The following SLC5A8 variants were observed in gnomAD, a reference collection of about 807,000 sequenced individuals.
SLC5A8 encodes solute carrier family 5 member 8, also known as sodium-coupled monocarboxylate transporter 1.
SLC5A8 carries 55 observed loss-of-function variants against 71.9 expected under a neutral mutation model. That is an observed-to-expected ratio of 0.77 (90% confidence interval 0.62 to 0.96). SLC5A8 has a LOEUF of 0.96. Among genes scored for constraint, SLC5A8 ranks in the 40% least tolerant of loss-of-function variants. The pLI is 0.00. For synonymous variants in SLC5A8, 307 were observed against 276.1 expected (o/e 1.11, Z -1.11); for missense variants, 701 against 745.3 (o/e 0.94, Z 0.69).
At chr12:101,182,230 C>T (rs1868399942) in intron 9 of SLC5A8, among the ~76,000 whole-genome samples, 2 of 152,184 alleles carry the variant, frequency 1.3e-5, no homozygotes, top group African/African-American at 4.8e-5. Flanking sequence ...GCAGACAGAA[C>T]AGACAACTAA....
chr12:101,177,300 T>C (rs1006793749), intron 10 of SLC5A8, among the ~76,000 whole-genome samples: 1 of 152,050 alleles, frequency 6.6e-6, no homozygotes, highest in South Asian at 2.1e-4. Context: ...GCCCAGATGC[T>C]TTCCCTAGAG....
At chr12:101,193,867 A>T (rs1593379774) in intron 4 of SLC5A8, 88 bp from the exon 5 acceptor site, 2 of 1,342,336 alleles carry the variant, frequency 1.5e-6, no homozygotes, top group East Asian at 4.9e-5. Flanking sequence ...GAGAAAAATG[A>T]TATAAACATG....
intron 10 of SLC5A8, among the ~76,000 whole-genome samples, chr12:101,178,564 G>A (rs926150487): frequency 6.6e-6 from 1 of 152,160 alleles, no homozygotes; most frequent in Admixed American, 6.5e-5. Flanking sequence ...CAGGTCAATG[G>A]AAGAAAGCCT....
In SLC5A8 at chr12:101,193,756, C is replaced by T; in HGVS notation, c.561G>A (p.Trp187Ter). ...CTLGGLKAVI[W>*]TDVFQVGIMV... ...TGATCCCAACTTGAAAAACATCTGT[C>T]CAGATAACTGCTTTAAGACCACCCT... The change falls in exon 5 of 15, where the codon TGG (tryptophan) becomes TGA (stop). Residue 187 changes from tryptophan to a stop codon, truncating the protein, a stop_gained. Transcript: ENST00000536262. LOFTEE classifies it high-confidence loss of function. The T allele has an allele frequency of 6.2e-7, 1 of 1,614,062 alleles. No individual in the cohort carries two copies. The highest frequency in any genetic ancestry group is 8.5e-7 in the Non-Finnish European group (1 of 1,180,004).
At chr12:101,165,597 A>T (rs2051761198) in intron 12 of SLC5A8, among the ~76,000 whole-genome samples, 1 of 152,148 alleles carries the variant, frequency 6.6e-6, no homozygotes, top group Admixed American at 6.5e-5. Flanking sequence ...CCTGCCTGGA[A>T]CGCCCCTGGA....
intron 1 of SLC5A8, 36 bp downstream of exon 1, chr12:101,209,462 G>T (rs1247050226): frequency 1.3e-6 from 2 of 1,496,226 alleles, no homozygotes; most frequent in Non-Finnish European, 1.8e-6. Context: ...CCCTTCCCCC[G>T]CGCCCTGCAT....
chr12:101,159,908 G>C (rs571855011), intron 13 of SLC5A8, among the ~76,000 whole-genome samples: 1 of 152,342 alleles, frequency 6.6e-6, no homozygotes, highest in South Asian at 2.1e-4. Context: ...ACTGGGCATG[G>C]TGGTGGCTCA....
intron 5 of SLC5A8, 88 bp from the exon 6 acceptor site, chr12:101,190,696 C>CTTAG: frequency 8.2e-7 from 1 of 1,215,488 alleles, no homozygotes; most frequent in African/African-American, 1.6e-5. Flanking sequence ...GCAAGCAATG[C>CTTAG]ACATTTATAT....
intron 7 of SLC5A8, among the ~76,000 whole-genome samples, chr12:101,185,739 C>T (rs1010635576): frequency 6.6e-5 from 10 of 151,948 alleles, no homozygotes; most frequent in Admixed American, 2.0e-4. Context: ...CCACCACGCC[C>T]GGCTAATTTT....
At chr12:101,181,402 C>A (rs928091545) in intron 9 of SLC5A8, among the ~76,000 whole-genome samples, 1 of 152,188 alleles carries the variant, frequency 6.6e-6, no homozygotes, top group Non-Finnish European at 1.5e-5. Context: ...TATGTCCTTA[C>A]TGCATATACT....
chr12:101,207,106 A>G (rs1869708679), intron 1 of SLC5A8, among the ~76,000 whole-genome samples: 1 of 152,202 alleles, frequency 6.6e-6, no homozygotes, highest in Non-Finnish European at 1.5e-5. Context: ...ACCAATTGGG[A>G]GGGTCTTAGC....
intron 5 of SLC5A8, among the ~76,000 whole-genome samples, chr12:101,192,521 A>G (rs1018904030): frequency 1.3e-5 from 2 of 152,212 alleles, no homozygotes; most frequent in Non-Finnish European, 2.9e-5. Context: ...AAAGGACAAC[A>G]CTATTGATCC....
chr12:101,193,122 C>A (rs1868993250), intron 5 of SLC5A8, among the ~76,000 whole-genome samples: 1 of 152,066 alleles, frequency 6.6e-6, no homozygotes, highest in East Asian at 1.9e-4. Flanking sequence ...CAGGTGCCTG[C>A]CACCACACCT....
intron 11 of SLC5A8, among the ~76,000 whole-genome samples, 186 bp from the exon 12 acceptor site, chr12:101,166,885 A>G (rs2051777737): frequency 6.6e-6 from 1 of 152,192 alleles, no homozygotes; most frequent in Admixed American, 6.5e-5. Context: ...TGAACAAGTG[A>G]ATAAATGAAT....
rs138570903 is a variant in SLC5A8 at position 101,158,289 on chromosome 12, G to A, written c.1670C>T (p.Thr557Ile). The A allele has an allele frequency of 2.5e-6, 4 of 1,593,132 alleles. No individual in the cohort carries two copies. In the South Asian group the frequency reaches 4.5e-5, roughly 18 times the overall value. Residue 557 changes from threonine (T) to isoleucine (I), a missense_variant, in exon 14 of 15, where the codon ACC becomes ATC. By Grantham distance (89) the Thr-to-Ile change is moderately conservative. Coordinates refer to ENST00000536262, the MANE Select transcript of SLC5A8 (RefSeq NM_145913.5). The stretch of plus-strand genomic sequence containing the variant: ...AAAATTGGATAAAAAGTCCTCTTTG[G>A]TTAGTATGTATCTGGGGTCTAAGTT... ...KQNLDPRYILTKEDFLSNFDI... is the reference protein window; with the variant it reads ...KQNLDPRYILIKEDFLSNFDI...
In SLC5A8 at chr12:101,187,403, C is replaced by T; in HGVS notation, c.946G>A (p.Val316Met). ...TACTGAACCTGGTCTGGTGCAGACA[C>T]TTTCTTGGCTGTCCAAGGATCACAG... ...HDCDPWTAKK[V>M]SAPDQLMPYL... Residue 316 changes from valine (V) to methionine (M), a missense_variant, in exon 7 of 15, where the codon GTG (valine) becomes ATG (methionine). Physicochemically the swap from Val to Met is conservative, Grantham distance 21. Transcript: ENST00000536262. 1 of 1,613,730 alleles carries T rather than the reference C, an allele frequency of 6.2e-7. No individual in the cohort carries two copies. Among genetic ancestry groups the T allele is most frequent in the Non-Finnish European group, 8.5e-7 (1 of 1,179,816 alleles).
intron 10 of SLC5A8, among the ~76,000 whole-genome samples, chr12:101,176,504 A>G (rs1437012672): frequency 6.6e-6 from 1 of 152,076 alleles, no homozygotes; most frequent in African/African-American, 2.4e-5. Flanking sequence ...TCAAGTGCTC[A>G]TGGAACATAT....
At position 101,171,358 on chromosome 12, in the gene SLC5A8, C is replaced by A. The variant is rs370514727; in HGVS notation, c.1234-3176G>T. ...TCTGAGTTGCTTGAGTGGCCTTATG[C>A]CTATCATTAATCTTATAGCCATAAT... is the stretch of plus-strand genomic sequence containing the variant. On this transcript the variant is annotated intron_variant, in intron 10 of 14. Coordinates refer to ENST00000536262, the MANE Select transcript of SLC5A8 (RefSeq NM_145913.5). 7.0e-4 allele frequency among the ~76,000 whole-genome samples: 107 copies of A among 152,176 alleles called. 2 individuals carry two copies. In the South Asian group the frequency reaches 0.022, roughly 31 times the overall value.
rs1165694364 is a variant in SLC5A8 at position 101,155,773 on chromosome 12, A to C, written c.*1506T>G. ...CCTCAGCCTCCCAAATGTTCAGATT[A>C]CAAGCATGAGCCATCATGCCCAGGC... On this transcript the variant is annotated 3_prime_UTR_variant, in exon 15 of 15. Transcript: ENST00000536262. 6.7e-6 allele frequency: 1 copy of C among 150,342 alleles called. No individual in the cohort carries two copies. The highest frequency in any genetic ancestry group is 1.5e-5 in the Non-Finnish European group (1 of 67,754). The allele number at this position is 150,342 out of a possible 1,614,324, so 9.3% of individuals were successfully genotyped here.
Sources: gnomAD v4.1 joint callset for allele counts (sites outside exome capture counted in the v4.1 genomes callset) on GRCh38, gnomAD v4.1.1 for gene constraint, MANE v1.5 for transcripts, NCBI Gene and HGNC (gene_info 2026-07-23, HGNC 2026-07-21) for gene names.